The following C6 variants were observed in gnomAD, a reference collection of about 807,000 sequenced individuals.
C6 encodes complement C6, also known as complement component C6.
In C6, 101 loss-of-function variants were observed where a neutral mutation model predicts 112.9. That is an observed-to-expected ratio of 0.89 (90% CI 0.76 to 1.06). The LOEUF (loss-of-function observed/expected upper bound fraction) is 1.06. Ranked by LOEUF, C6 falls within the 50% of genes least tolerant of loss-of-function variation. The probability of loss-of-function intolerance (pLI) is 0.00; values close to 1 mark genes in which losing one functional copy is unlikely to be tolerated. For synonymous variants in C6, 431 were observed against 384.1 expected, an observed-to-expected ratio of 1.12 and a Z score of -1.43; for missense variants, 1,202 against 1,104.6, an observed-to-expected ratio of 1.09 and a Z score of -1.25.
At chr5:41,211,312 C>T (rs972734172) in intron 1 of C6, among the ~76,000 whole-genome samples, 36 of 107,580 alleles carry the variant, frequency 3.3e-4, no homozygotes, top group African/African-American at 1.0e-3. Context: ...GGGTGCAGTA[C>T]ACCAACATGG....
chr5:41,189,984 A>C (rs7723553), intron 5 of C6, among the ~76,000 whole-genome samples: 80,173 of 151,976 alleles, frequency 0.53, 21,605 homozygotes, highest in African/African-American at 0.59. Context: ...TGTATATGTA[A>C]CATGTTTTCT....
rs143143388 is a variant in C6 at position 41,193,591 on chromosome 5, T to G, written c.587+2201A>C. Among the ~76,000 whole-genome samples the G allele has an allele frequency of 9.0e-3, 1,377 of 152,328 alleles. 29 individuals are homozygous for G. Among genetic ancestry groups the G allele is most frequent in the African/African-American group, 0.03 (1,264 of 41,574 alleles). On this transcript the variant is annotated intron_variant, in intron 5 of 17. Coordinates refer to ENST00000337836, the MANE Select transcript of C6 (RefSeq NM_000065.5). The stretch of plus-strand genomic sequence containing the variant: ...TCACAGATCTCACTATTTTGCCACA[T>G]AGATGAATGTGTCCTTTCAACTGTG...
At position 41,149,280 on chromosome 5, in the gene C6, A is replaced by G. The variant is rs1561090345; in HGVS notation, c.2584T>C (p.Cys862Arg). The change falls in exon 17 of 18, where the codon TGT (cysteine) becomes CGT (arginine). Residue 862 changes from cysteine (C) to arginine (R), a missense_variant. Cys to Arg is a radical substitution (Grantham distance 180). Coordinates refer to ENST00000337836, the MANE Select transcript of C6 (RefSeq NM_000065.5). ...CAGTCATAGCAGGTGTCATAGCCAC[A>G]GGATTCTTTCTTTGTGCTGTTGGAT... The part of the protein sequence containing the change: ...LSSNSTKKES[C>R]GYDTCYDWEK... 6.2e-7 allele frequency: 1 copy of G among 1,614,114 alleles called. No individual in the cohort carries two copies.
In C6 at chr5:41,160,134, ATACT is replaced by A; in HGVS notation, c.1684+4_1684+7del. 1 of 1,598,382 alleles carries A rather than the reference ATACT, an allele frequency of 6.3e-7. No individual in the cohort carries two copies. The highest frequency in any genetic ancestry group is 1.1e-5 in the South Asian group (1 of 90,790). ...TTATCTACCTCACAATAGATTCCTG[ATACT>A]TACTGGATTTATAATCTGGAGACTG... is the stretch of plus-strand genomic sequence containing the variant. On this transcript the variant is annotated splice_donor_5th_base_variant and intron_variant, in intron 11 of 17. Coordinates refer to ENST00000337836, the MANE Select transcript of C6 (RefSeq NM_000065.5).
intron 3 of C6, among the ~76,000 whole-genome samples, chr5:41,200,169 T>A (rs1232095196): frequency 6.6e-6 from 1 of 152,202 alleles, no homozygotes; most frequent in East Asian, 1.9e-4. Context: ...TCTGAAACCA[T>A]ATGGTTTATA....
Position 41,143,018 on chromosome 5 carries a change from G to A in C6, c.2624-12C>T. On this transcript the variant is annotated splice_polypyrimidine_tract_variant and intron_variant, in intron 17 of 17. Coordinates refer to ENST00000337836, the MANE Select transcript of C6 (RefSeq NM_000065.5). The stretch of plus-strand genomic sequence containing the variant: ...TTTGGAAGTGGAGGCTGTAATGAGA[G>A]AGAGAGAGACAGTGTGACTTACCAC... 1 of 1,612,208 alleles carries A rather than the reference G, an allele frequency of 6.2e-7. No individual in the cohort carries two copies. Among genetic ancestry groups the A allele is most frequent in the Non-Finnish European group, 8.5e-7 (1 of 1,178,610 alleles).
chr5:41,159,229 C>T lies in C6; in HGVS notation c.1709G>A (p.Cys570Tyr), dbSNP rs1747235764. ...KSNAVDGQWGCWSSWSTCDAT... is the reference protein window; with the variant it reads ...KSNAVDGQWGYWSSWSTCDAT... ...ATCACAGGTACTCCAGGAAGACCAACAACCCCACTGTCCGTCTACTGCATC... is the reference window on the plus strand; with the variant it reads ...ATCACAGGTACTCCAGGAAGACCAATAACCCCACTGTCCGTCTACTGCATC... Residue 570 changes from cysteine (C) to tyrosine (Y), a missense_variant, in exon 12 of 18, where the codon TGT (cysteine) becomes TAT (tyrosine). Coordinates refer to ENST00000337836, the MANE Select transcript of C6 (RefSeq NM_000065.5). 6.2e-7 allele frequency: 1 copy of T among 1,613,220 alleles called. No homozygotes were observed. The highest frequency in any genetic ancestry group is 8.5e-7 in the Non-Finnish European group (1 of 1,179,646).
At chr5:41,168,982 C>G (rs564956178) in intron 9 of C6, among the ~76,000 whole-genome samples, 1 of 152,092 alleles carries the variant, frequency 6.6e-6, no homozygotes, top group East Asian at 1.9e-4. Flanking sequence ...GTACAGAAAA[C>G]AGGCAAGGGT....
At chr5:41,222,698 C>T (rs1739255158) in intron 1 of C6, among the ~76,000 whole-genome samples, 1 of 152,020 alleles carries the variant, frequency 6.6e-6, no homozygotes, top group South Asian at 2.1e-4. Context: ...ATATAGCTTC[C>T]CCTGCTCTTA....
At chr5:41,173,950 A>C (rs1401738949) in intron 8 of C6, among the ~76,000 whole-genome samples, 1 of 152,318 alleles carries the variant, frequency 6.6e-6, no homozygotes, top group Middle Eastern at 3.4e-3. Context: ...TAAGTGGGTT[A>C]GTCAAATATT....
At chr5:41,253,681 T>C (rs1318437408) in intron 1 of C6, among the ~76,000 whole-genome samples, 1 of 152,214 alleles carries the variant, frequency 6.6e-6, no homozygotes, top group East Asian at 1.9e-4. Flanking sequence ...TTTTGGATTG[T>C]CCTTGTTACG....
chr5:41,241,858 G>A (rs1260841665), intron 1 of C6, among the ~76,000 whole-genome samples: 2 of 152,150 alleles, frequency 1.3e-5, no homozygotes, highest in Non-Finnish European at 2.9e-5. Flanking sequence ...CACAATAGCA[G>A]CCAGCACAGT....
intron 16 of C6, 48 bp from the exon 17 acceptor site, chr5:41,149,530 A>C (rs1472567482): frequency 6.2e-7 from 1 of 1,610,036 alleles, no homozygotes; most frequent in Non-Finnish European, 8.5e-7. Context: ...ATCAGAAAAA[A>C]ACAGGGGGCA....
At chr5:41,162,610 T>C (rs1224318439) in intron 9 of C6, among the ~76,000 whole-genome samples, 1 of 152,172 alleles carries the variant, frequency 6.6e-6, no homozygotes, top group Non-Finnish European at 1.5e-5. Context: ...TAATAAGGAA[T>C]TGCCATAAGA....
At chr5:41,222,667 C>A (rs1674967250) in intron 1 of C6, among the ~76,000 whole-genome samples, 1 of 152,154 alleles carries the variant, frequency 6.6e-6, no homozygotes, top group African/African-American at 2.4e-5. Context: ...TATATATTTA[C>A]TATTTCTGAT....
At chr5:41,253,236 C>A (rs1354140838) in intron 1 of C6, among the ~76,000 whole-genome samples, 2 of 152,126 alleles carry the variant, frequency 1.3e-5, no homozygotes, top group African/African-American at 2.4e-5. Context: ...ACATCTCCAA[C>A]CTTGTTTGAG....
intron 4 of C6, among the ~76,000 whole-genome samples, chr5:41,197,042 T>A (rs886223604): frequency 1.3e-5 from 2 of 152,158 alleles, no homozygotes; most frequent in Non-Finnish European, 2.9e-5. Context: ...TATTTTAAGA[T>A]GTGATTAGCA....
intron 13 of C6, among the ~76,000 whole-genome samples, chr5:41,157,988 C>A (rs1747079424): frequency 1.3e-5 from 2 of 152,050 alleles, no homozygotes; most frequent in South Asian, 2.1e-4. Context: ...TGTTATTGAT[C>A]TTTTATCATA....
At chr5:41,205,706 A>T (rs922600085) in intron 1 of C6, among the ~76,000 whole-genome samples, 16 of 152,324 alleles carry the variant, frequency 1.1e-4, no homozygotes, top group Admixed American at 6.5e-4. Flanking sequence ...TTGAGTAGGT[A>T]AACAAAGCAG....
Sources: allele counts gnomAD v4.1 joint callset (sites outside exome capture counted in the v4.1 genomes callset), GRCh38; gene constraint gnomAD v4.1.1; transcripts MANE v1.5; gene names NCBI Gene and HGNC (gene_info 2026-07-23, HGNC 2026-07-21).